The following SEMA5B variants were observed in gnomAD, a reference collection of about 807,000 sequenced individuals.
SEMA5B encodes semaphorin-5B.
Under a neutral mutation model 135.0 loss-of-function variants are expected in SEMA5B, and 66 were observed. The observed-to-expected ratio is 0.49, with a 90% CI of 0.40 to 0.60. SEMA5B has a LOEUF of 0.60. Ranked by LOEUF, SEMA5B falls within the 20% of genes least tolerant of loss-of-function variation. The pLI is 0.00. For missense variants in SEMA5B, 1,501 were observed against 1,566.3 expected, an observed-to-expected ratio of 0.96 and a Z score of 0.70; for synonymous variants, 690 against 639.5, an observed-to-expected ratio of 1.08 and a Z score of -1.19.
intron 10 of SEMA5B, 126 bp downstream of exon 10, chr3:122,923,491 T>G: frequency 9.6e-7 from 1 of 1,042,924 alleles, no homozygotes; most frequent in Admixed American, 2.1e-5. Flanking sequence ...ACCCCAGAGA[T>G]GGGCATGGAC....
In SEMA5B at chr3:122,909,160, G is replaced by A. The variant is rs1413482860; in HGVS notation, c.*983C>T. 6.5e-6 allele frequency: 1 copy of A among 152,672 alleles called. No homozygotes were observed. The highest frequency in any genetic ancestry group is 1.5e-5 in the Non-Finnish European group (1 of 68,044). The allele number at this position is 152,672 out of a possible 1,614,324, so 9.5% of individuals were successfully genotyped here. ...TGCTCAGATTGCCTAGACTATGCAAGAGGAGCCCACGCACAGATGCACAGA... is the reference window on the plus strand; with the variant it reads ...TGCTCAGATTGCCTAGACTATGCAAAAGGAGCCCACGCACAGATGCACAGA... On this transcript the variant is annotated 3_prime_UTR_variant, in exon 23 of 23. Coordinates refer to ENST00000357599, the MANE Select transcript of SEMA5B (RefSeq NM_001031702.4).
intron 1 of SEMA5B, among the ~76,000 whole-genome samples, chr3:123,009,414 G>A (rs1240065500): frequency 2.0e-5 from 3 of 151,982 alleles, no homozygotes; most frequent in Non-Finnish European, 4.4e-5. Flanking sequence ...AACACATCAG[G>A]GATAAACACA....
rs186111086 is a variant in SEMA5B at position 122,971,775 on chromosome 3, T to A, written c.-38-10474A>T. On this transcript the variant is annotated intron_variant, in intron 1 of 22. Coordinates refer to ENST00000357599, the MANE Select transcript of SEMA5B (RefSeq NM_001031702.4). The stretch of plus-strand genomic sequence containing the variant: ...CGGCACGGTGAGAAGAGCATGGACT[T>A]GGAATGGGAAGCCATGGTGCAAGCC... Among the ~76,000 whole-genome samples the A allele has an allele frequency of 3.2e-3, 493 of 152,338 alleles. 7 individuals are homozygous for A. The highest frequency in any genetic ancestry group is 2.7e-3 in the Non-Finnish European group (186 of 68,030).
rs145167874 is a variant in SEMA5B at position 122,910,186 on chromosome 3, C to T, written c.3413G>A (p.Arg1138Gln). The change falls in exon 23 of 23, where the codon CGG becomes CAG. Residue 1138 changes from arginine to glutamine, a missense_variant. By Grantham distance (43) the Arg-to-Gln change is conservative. Coordinates refer to ENST00000357599, the MANE Select transcript of SEMA5B (RefSeq NM_001031702.4). ...YPSPLNKHSF[R>Q]PEASPGQRCF... The stretch of plus-strand genomic sequence containing the variant: ...CCGTTGTCCAGGTGAGGCCTCGGGC[C>T]GGAAGCTGTGTTTGTTCAGGGGGCT... The T allele has an allele frequency of 2.5e-5, 40 of 1,614,106 alleles. 1 individual carries two copies. Among genetic ancestry groups the T allele is most frequent in the African/African-American group, 2.3e-4 (17 of 74,942 alleles).
intron 12 of SEMA5B, among the ~76,000 whole-genome samples, 193 bp from the exon 13 acceptor site, chr3:122,916,083 A>G (rs1482821163): frequency 1.3e-5 from 2 of 152,216 alleles, no homozygotes; most frequent in Non-Finnish European, 2.9e-5. Flanking sequence ...GAATTAATTT[A>G]AATCCAGCAC....
At chr3:122,911,880 T>A (rs1224818904) in intron 20 of SEMA5B, 40 bp downstream of exon 20, 2 of 1,558,700 alleles carry the variant, frequency 1.3e-6, no homozygotes, top group East Asian at 2.3e-5. Context: ...GAGTGCAGGC[T>A]GGGAAGGGTT....
intron 1 of SEMA5B, among the ~76,000 whole-genome samples, chr3:122,972,772 A>C (rs746653516): frequency 3.0e-4 from 46 of 152,174 alleles, no homozygotes; most frequent in Non-Finnish European, 5.7e-4. Context: ...ATGCCATCAG[A>C]TTCCCTGTGA....
chr3:122,916,511 G>A lies in SEMA5B; in HGVS notation c.1689-621C>T, dbSNP rs545208994. 7.2e-5 allele frequency among the ~76,000 whole-genome samples: 11 copies of A among 152,300 alleles called. No individual in the cohort carries two copies. In the South Asian group the frequency reaches 2.3e-3, roughly 32 times the overall value. On this transcript the variant is annotated intron_variant, in intron 12 of 22. Coordinates refer to ENST00000357599, the MANE Select transcript of SEMA5B (RefSeq NM_001031702.4). ...TGGGAGCGAGGCTGAGAACCTCTGG[G>A]ATCCACTATACAACCTTTTCATTGT...
Position 122,959,161 on chromosome 3 carries a change from A to G in SEMA5B, c.124+1979T>C, listed in dbSNP as rs939532169. ...AACAGTGACAACAACAATAACAACCATGTTATTGTGTACCCAGAAGTGGTC... is the reference window on the plus strand; with the variant it reads ...AACAGTGACAACAACAATAACAACCGTGTTATTGTGTACCCAGAAGTGGTC... On this transcript the variant is annotated intron_variant, in intron 2 of 22. Coordinates refer to ENST00000357599, the MANE Select transcript of SEMA5B (RefSeq NM_001031702.4). Among the ~76,000 whole-genome samples the G allele has an allele frequency of 2.6e-5, 4 of 152,110 alleles. No individual in the cohort carries two copies. The South Asian group carries it at 6.2e-4, about 24-fold the overall frequency.
intron 3 of SEMA5B, among the ~76,000 whole-genome samples, chr3:122,947,358 A>G (rs1453400105): frequency 1.3e-5 from 2 of 151,756 alleles, no homozygotes; most frequent in Non-Finnish European, 2.9e-5. Flanking sequence ...AGAGGAGCCA[A>G]CCCACAGCTG....
intron 1 of SEMA5B, among the ~76,000 whole-genome samples, chr3:122,963,571 T>C (rs993988593): frequency 2.6e-5 from 4 of 151,380 alleles, no homozygotes; most frequent in African/African-American, 9.7e-5. Flanking sequence ...CTAAAGTTAA[T>C]AGAGATAAGA....
intron 1 of SEMA5B, among the ~76,000 whole-genome samples, chr3:122,963,128 A>C (rs932557632): frequency 9.2e-5 from 14 of 152,210 alleles, no homozygotes; most frequent in African/African-American, 3.4e-4. Flanking sequence ...TTGCTTACCT[A>C]GCAGGTCATT....
Position 122,921,907 on chromosome 3 carries a change from C to A in SEMA5B, c.1688+8G>T. On this transcript the variant is annotated splice_region_variant and intron_variant, in intron 12 of 22. Transcript: ENST00000357599. ...GGAGGCCTCGGGAGCCGCCCCGTCC[C>A]GGCTTACCCCTGGCTGCGGTAGGCG... is the stretch of plus-strand genomic sequence containing the variant. 2.6e-6 allele frequency: 4 copies of A among 1,528,846 alleles called. No individual in the cohort carries two copies. The South Asian group carries it at 4.8e-5, about 18-fold the overall frequency. 94.7% of individuals were successfully genotyped at this position (1,528,846 alleles called of 1,614,324 possible).
At chr3:123,014,163 T>C (rs1942499864) in intron 1 of SEMA5B, among the ~76,000 whole-genome samples, 1 of 152,180 alleles carries the variant, frequency 6.6e-6, no homozygotes, top group Non-Finnish European at 1.5e-5. Flanking sequence ...CTAGGGCGGC[T>C]GGGAGGCCTC....
At chr3:123,007,760 C>A (rs998476378) in intron 1 of SEMA5B, among the ~76,000 whole-genome samples, 1 of 152,212 alleles carries the variant, frequency 6.6e-6, no homozygotes, top group African/African-American at 2.4e-5. Context: ...CCTTGGACAT[C>A]TTAGCCTCCA....
intron 9 of SEMA5B, among the ~76,000 whole-genome samples, chr3:122,925,498 C>T (rs1015444909): frequency 6.6e-6 from 1 of 151,958 alleles, no homozygotes; most frequent in African/African-American, 2.4e-5. Context: ...GAAACCCCAT[C>T]TCTACTAAAA....
intron 12 of SEMA5B, among the ~76,000 whole-genome samples, chr3:122,918,165 C>G (rs1057037730): frequency 6.6e-5 from 10 of 152,122 alleles, no homozygotes; most frequent in African/African-American, 2.4e-4. Context: ...TTCTATTAAT[C>G]AAAAACAAAT....
chr3:123,022,829 A>G (rs1942716992), intron 1 of SEMA5B, among the ~76,000 whole-genome samples: 1 of 152,210 alleles, frequency 6.6e-6, no homozygotes, highest in Non-Finnish European at 1.5e-5. Context: ...AGAGCCACAC[A>G]ACATTCAGCA....
intron 1 of SEMA5B, among the ~76,000 whole-genome samples, chr3:123,001,331 A>G (rs1295480948): frequency 6.6e-6 from 1 of 152,150 alleles, no homozygotes; most frequent in Non-Finnish European, 1.5e-5. Flanking sequence ...ATCATAGAGA[A>G]AAAGAGAAAC....
Sources: allele counts gnomAD v4.1 joint callset (sites outside exome capture counted in the v4.1 genomes callset), GRCh38; gene constraint gnomAD v4.1.1; transcripts MANE v1.5; gene names NCBI Gene and HGNC (gene_info 2026-07-23, HGNC 2026-07-21).